GRIK4: variants seen among roughly 807,000 people sequenced by gnomAD.
The protein encoded by GRIK4 is glutamate ionotropic receptor kainate type subunit 4.
Under a neutral mutation model 104.9 loss-of-function variants are expected in GRIK4, and 40 were observed. The ratio of observed to expected loss-of-function variants is 0.38; its 90% CI spans 0.30 to 0.50. The LOEUF (loss-of-function observed/expected upper bound fraction) is 0.50. Among genes scored for constraint, GRIK4 ranks in the 20% least tolerant of loss-of-function variants. The pLI, the probability that GRIK4 is intolerant of heterozygous loss-of-function variation, is 0.93. For missense variants in GRIK4, 1,047 were observed against 1,308.1 expected, an observed-to-expected ratio of 0.80 and a Z score of 3.08; for synonymous variants, 485 against 524.9, an observed-to-expected ratio of 0.92 and a Z score of 1.04.
chr11:120,733,408 C>T (rs1951172242), intron 3 of GRIK4, among the ~76,000 whole-genome samples: 1 of 151,224 alleles, frequency 6.6e-6, no homozygotes, highest in African/African-American at 2.4e-5. Flanking sequence ...TTCTTGCCTT[C>T]CTTCCTGTCT....
intron 3 of GRIK4, among the ~76,000 whole-genome samples, chr11:120,765,164 C>A (rs922579649): frequency 2.0e-5 from 3 of 151,716 alleles, no homozygotes; most frequent in African/African-American, 4.8e-5. Context: ...CCTTTTCATT[C>A]TTTTTTTTCT....
rs948892757 is a variant in GRIK4, at chr11:120,802,776, C to T, written c.166C>T (p.Pro56Ser). Reference protein sequence around the residue: ...TLAKNRINRAPERLGKAKVEV... With the variant: ...TLAKNRINRASERLGKAKVEV... ...GGCCAAGAACCGCATCAACCGCGCT[C>T]CTGAGAGGCTGGGCAAGGCCAAGGT... Residue 56 changes from proline to serine, a missense_variant, in exon 4 of 21, where the codon CCT becomes TCT. Pro to Ser is a moderately conservative substitution (Grantham distance 74). Transcript: ENST00000527524. The T allele has an allele frequency of 6.2e-7, 1 of 1,614,038 alleles. No homozygotes were observed. Among genetic ancestry groups the T allele is most frequent in the African/African-American group, 1.3e-5 (1 of 74,926 alleles).
chr11:120,985,769 G>T (rs1174038822), intron 20 of GRIK4, 135 bp from the exon 21 acceptor site: 7 of 725,322 alleles, frequency 9.7e-6, no homozygotes, highest in Non-Finnish European at 1.6e-5. Context: ...GGACTGAAAG[G>T]CTTTTATCAT....
At chr11:120,670,038 A>G (rs1279487411) in intron 3 of GRIK4, among the ~76,000 whole-genome samples, 2 of 152,084 alleles carry the variant, frequency 1.3e-5, no homozygotes, top group African/African-American at 4.8e-5. Flanking sequence ...ATGCCATTCT[A>G]TCTCTGTGGA....
intron 8 of GRIK4, among the ~76,000 whole-genome samples, chr11:120,845,923 C>T (rs1406431966): frequency 6.6e-6 from 1 of 152,182 alleles, no homozygotes; most frequent in Non-Finnish European, 1.5e-5. Context: ...AAGGTACCAC[C>T]CTACCCAATG....
rs530890050 is a variant in GRIK4 at position 120,517,199 on chromosome 11, G to A, written c.-159+5312G>A. On this transcript the variant is annotated intron_variant, in intron 1 of 20. Coordinates refer to ENST00000527524, the MANE Select transcript of GRIK4 (RefSeq NM_014619.5). ...CTTTGTTCACTGAGCTATCCCTAGT[G>A]CTTGCATAGAACAGGTGTTAAGTCA... Among the ~76,000 whole-genome samples, 67 of 149,288 alleles carry A rather than the reference G, an allele frequency of 4.5e-4. 2 individuals carry two copies. The highest frequency in any genetic ancestry group is 7.4e-4 in the Non-Finnish European group (50 of 67,594).
chr11:120,628,116 C>T (rs1949284103), intron 1 of GRIK4, among the ~76,000 whole-genome samples: 1 of 152,148 alleles, frequency 6.6e-6, no homozygotes, highest in Non-Finnish European at 1.5e-5. Context: ...CTGCTGGTGG[C>T]AGAGGGTGTG....
intron 1 of GRIK4, among the ~76,000 whole-genome samples, chr11:120,623,932 C>T (rs1477140272): frequency 6.6e-6 from 1 of 151,338 alleles, no homozygotes; most frequent in East Asian, 2.0e-4. Context: ...CGTTCCTCCT[C>T]CTCCTCCTCT....
At chr11:120,711,092 T>C (rs1361831500) in intron 3 of GRIK4, among the ~76,000 whole-genome samples, 2 of 151,816 alleles carry the variant, frequency 1.3e-5, no homozygotes, top group Non-Finnish European at 2.9e-5. Context: ...TAGGAGACAG[T>C]GAGCTCCAAG....
chr11:120,928,309 G>A (rs965853759), intron 13 of GRIK4, among the ~76,000 whole-genome samples: 1 of 151,894 alleles, frequency 6.6e-6, no homozygotes, highest in Non-Finnish European at 1.5e-5. Context: ...ACGGGAAGAG[G>A]GGATTGTAAG....
Position 120,872,389 on chromosome 11 carries a change from A to ACAGC in GRIK4, c.907-1676_907-1673dup, listed in dbSNP as rs535402168. On this transcript the variant is annotated intron_variant, in intron 9 of 20. Transcript: ENST00000527524. Reference sequence around the variant, plus strand: ...CCTGGAGAGCTTGAAAAACCCCGAGACAGCATCCCTCCATCCAACCGTGGA... The same window carrying ACAGC: ...CCTGGAGAGCTTGAAAAACCCCGAGACAGCCAGCATCCCTCCATCCAACCGTGGA... 1.5e-3 allele frequency: 243 copies of ACAGC among 162,604 alleles called. 4 individuals are homozygous for ACAGC. Among genetic ancestry groups the ACAGC allele is most frequent in the Admixed American group, 1.5e-3 (25 of 16,778 alleles). 10.1% of individuals were successfully genotyped at this position (162,604 alleles called of 1,614,324 possible).
intron 1 of GRIK4, among the ~76,000 whole-genome samples, chr11:120,589,009 G>A (rs116029487): frequency 1.2e-3 from 176 of 152,310 alleles, no homozygotes; most frequent in African/African-American, 3.9e-3. Flanking sequence ...GAGGCTTTAT[G>A]AGCAGATGGT....
chr11:120,658,843 G>A (rs776329025), intron 2 of GRIK4, among the ~76,000 whole-genome samples: 33 of 137,792 alleles, frequency 2.4e-4, no homozygotes, highest in Admixed American at 6.6e-4. Flanking sequence ...CCACCTCCCC[G>A]GTTCACGCCA....
intron 1 of GRIK4, among the ~76,000 whole-genome samples, chr11:120,526,918 G>T (rs1013256633): frequency 6.6e-6 from 1 of 152,188 alleles, no homozygotes; most frequent in Non-Finnish European, 1.5e-5. Context: ...GCTAAAGGGC[G>T]GTCACTTGAC....
intron 13 of GRIK4, among the ~76,000 whole-genome samples, chr11:120,913,123 CTG>C (rs1477963363): frequency 6.6e-6 from 1 of 152,190 alleles, no homozygotes; most frequent in African/African-American, 2.4e-5. Context: ...GCTAAGCAAA[CTG>C]AGGTTTCAAA....
At chr11:120,790,844 A>T (rs1191776478) in intron 3 of GRIK4, among the ~76,000 whole-genome samples, 1 of 152,148 alleles carries the variant, frequency 6.6e-6, no homozygotes, top group African/African-American at 2.4e-5. Flanking sequence ...GGCTGTAGGG[A>T]TAGGGAGAAT....
chr11:120,614,302 G>T (rs1464762786), intron 1 of GRIK4, among the ~76,000 whole-genome samples: 2 of 152,346 alleles, frequency 1.3e-5, no homozygotes, highest in East Asian at 3.9e-4. Context: ...GGAGAAGTGA[G>T]ACAGGGAAGG....
chr11:120,628,610 A>T (rs1949289894), intron 1 of GRIK4, among the ~76,000 whole-genome samples: 1 of 152,222 alleles, frequency 6.6e-6, no homozygotes, highest in African/African-American at 2.4e-5. Flanking sequence ...CACAAGGGTT[A>T]GCAGTGCCTC....
chr11:120,890,510 G>A (rs528023382), intron 11 of GRIK4, among the ~76,000 whole-genome samples: 1 of 152,300 alleles, frequency 6.6e-6, no homozygotes, highest in African/African-American at 2.4e-5. Context: ...GTCAAGACAA[G>A]ATACACCTGT....
Sources: allele counts gnomAD v4.1 joint callset (sites outside exome capture counted in the v4.1 genomes callset), GRCh38; gene constraint gnomAD v4.1.1; transcripts MANE v1.5; gene names NCBI Gene and HGNC (gene_info 2026-07-23, HGNC 2026-07-21).